The following NXPE2 variants were observed in gnomAD, a reference collection of about 807,000 sequenced individuals.
NXPE2 encodes NXPE family member 2.
NXPE2 carries 34 observed loss-of-function variants against 34.4 expected under a neutral mutation model. The observed-to-expected ratio is 0.99, with a 90% CI of 0.75 to 1.31. The LOEUF (loss-of-function observed/expected upper bound fraction) is 1.31, where lower values mean the gene tolerates loss of function less well. Ranked by LOEUF, NXPE2 falls within the 40% of genes most tolerant of loss-of-function variation. The probability of loss-of-function intolerance (pLI) is 0.00; values close to 1 mark genes in which losing one functional copy is unlikely to be tolerated. For synonymous variants in NXPE2, 235 were observed against 231.3 expected, an observed-to-expected ratio of 1.02 and a Z score of -0.15; for missense variants, 649 against 672.5, an observed-to-expected ratio of 0.97 and a Z score of 0.39.
the NXPE2 span, among the ~76,000 whole-genome samples, chr11:114,548,868 T>A: frequency 6.6e-6 from 1 of 151,880 alleles, no homozygotes; most frequent in South Asian, 2.1e-4. Flanking sequence ...CTGGGTTTTA[T>A]TTTGAAAGAA....
the NXPE2 span, among the ~76,000 whole-genome samples, chr11:114,562,320 C>A: frequency 6.6e-6 from 1 of 152,180 alleles, no homozygotes; most frequent in Non-Finnish European, 1.5e-5. Context: ...AGAGTCCATG[C>A]TCTCTTCTTC....
upstream of NXPE2, among the ~76,000 whole-genome samples, chr11:114,675,110 G>GA (rs1210541677): frequency 6.6e-6 from 1 of 151,428 alleles, no homozygotes; most frequent in Admixed American, 6.6e-5. Context: ...CTTTTCATGA[G>GA]AAAAAAACTC....
the NXPE2 span, among the ~76,000 whole-genome samples, chr11:114,653,044 T>C: frequency 6.6e-6 from 1 of 152,220 alleles, no homozygotes; most frequent in Non-Finnish European, 1.5e-5. Context: ...GAACTCATCA[T>C]TATATATTCC....
chr11:114,583,613 G>A, the NXPE2 span: 1 of 594,380 alleles, frequency 1.7e-6, no homozygotes, highest in South Asian at 1.4e-5. Flanking sequence ...TGTGGCAAGT[G>A]CTGTGAAACT....
At chr11:114,679,454 C>A (rs560623980) in intron 1 of NXPE2, among the ~76,000 whole-genome samples, 8 of 152,090 alleles carry the variant, frequency 5.3e-5, no homozygotes, top group African/African-American at 1.9e-4. Context: ...GTATCAGAAA[C>A]CAGGAGTCCT....
At chr11:114,656,122 C>T in the NXPE2 span, among the ~76,000 whole-genome samples, 12 of 152,128 alleles carry the variant, frequency 7.9e-5, 1 homozygote, top group South Asian at 1.9e-3. Context: ...ATAAGTATTC[C>T]TTTTCACCAA....
At chr11:114,788,662 C>T in the NXPE2 span, among the ~76,000 whole-genome samples, 1 of 152,180 alleles carries the variant, frequency 6.6e-6, no homozygotes, top group African/African-American at 2.4e-5. Context: ...TTGTTCTTCC[C>T]TTTGCCTGGA....
chr11:114,551,726 C>T, the NXPE2 span, among the ~76,000 whole-genome samples: 17 of 152,150 alleles, frequency 1.1e-4, no homozygotes, highest in African/African-American at 4.1e-4. Context: ...GAAATGGAAA[C>T]TCCTTCAGGA....
the NXPE2 span, among the ~76,000 whole-genome samples, chr11:114,618,585 T>A: frequency 4.0e-5 from 6 of 151,850 alleles, no homozygotes; most frequent in Admixed American, 2.0e-4. Context: ...GCCTCGTGGG[T>A]AACAACTGTT....
chr11:114,602,972 CAT>C, the NXPE2 span, among the ~76,000 whole-genome samples: 1 of 149,814 alleles, frequency 6.7e-6, no homozygotes. Flanking sequence ...ATTACAGAAT[CAT>C]ATAATTATCT....
At chr11:114,546,966 A>C in the NXPE2 span, among the ~76,000 whole-genome samples, 1 of 152,222 alleles carries the variant, frequency 6.6e-6, no homozygotes, top group Non-Finnish European at 1.5e-5. Context: ...ATGTAAATGA[A>C]TGATTGAATA....
chr11:114,654,407 T>C, the NXPE2 span, among the ~76,000 whole-genome samples: 3 of 152,110 alleles, frequency 2.0e-5, no homozygotes, highest in Admixed American at 1.3e-4. Context: ...GTTTGTTACA[T>C]AGGTATATGT....
chr11:114,678,649 A>AG (rs1392016393), intron 1 of NXPE2, 48 bp downstream of exon 1: 1 of 1,434,758 alleles, frequency 7.0e-7, no homozygotes, highest in Admixed American at 2.0e-5. Flanking sequence ...CAGGGAAGGG[A>AG]GGGGAGAACT....
At chr11:114,746,724 G>A in the NXPE2 span, among the ~76,000 whole-genome samples, 7 of 152,090 alleles carry the variant, frequency 4.6e-5, no homozygotes, top group Non-Finnish European at 1.0e-4. Flanking sequence ...CCTGGCCCGC[G>A]CCTGTAGTCC....
At chr11:114,479,754 G>T in the NXPE2 span, among the ~76,000 whole-genome samples, 1 of 152,166 alleles carries the variant, frequency 6.6e-6, no homozygotes, top group Non-Finnish European at 1.5e-5. Context: ...GGCAATGGAT[G>T]AGACCCCACG....
At chr11:114,685,874 C>A (rs1712820) in intron 2 of NXPE2, among the ~76,000 whole-genome samples, 50,294 of 151,752 alleles carry the variant, frequency 0.33, 8,516 homozygotes, top group East Asian at 0.41. Context: ...ATGACAAAAT[C>A]ATAGAAATAA....
the NXPE2 span, among the ~76,000 whole-genome samples, chr11:114,650,763 A>G: frequency 1.4e-3 from 210 of 152,260 alleles, 1 homozygote; most frequent in South Asian, 3.1e-3. Context: ...TTGCCACAAG[A>G]AGGAGGAGCA....
At chr11:114,511,383 C>G in the NXPE2 span, among the ~76,000 whole-genome samples, 6 of 152,256 alleles carry the variant, frequency 3.9e-5, no homozygotes, top group South Asian at 1.0e-3. Context: ...TCTCTTGAGA[C>G]TCCGAGGCCA....
chr11:114,560,593 A>G, the NXPE2 span, among the ~76,000 whole-genome samples: 2 of 152,118 alleles, frequency 1.3e-5, no homozygotes, highest in Admixed American at 1.3e-4. Context: ...TGAAAAGGAT[A>G]TCTAATAAAT....
Sources: allele counts gnomAD v4.1 joint callset (sites outside exome capture counted in the v4.1 genomes callset), GRCh38; gene constraint gnomAD v4.1.1; transcripts MANE v1.5; gene names NCBI Gene and HGNC (gene_info 2026-07-23, HGNC 2026-07-21).